The following PACRG variants were observed in gnomAD, a reference collection of about 807,000 sequenced individuals.
PACRG encodes parkin coregulated.
A neutral mutation model predicts 29.7 loss-of-function variants in PACRG; 29 were observed. The ratio of observed to expected loss-of-function variants is 0.98; its 90% CI spans 0.73 to 1.33. The LOEUF (loss-of-function observed/expected upper bound fraction) is 1.33. Ranked by LOEUF, PACRG falls within the 40% of genes most tolerant of loss-of-function variation. The pLI is 0.00. For synonymous variants in PACRG, 116 were observed against 118.7 expected, an observed-to-expected ratio of 0.98 and a Z score of 0.15; for missense variants, 279 against 316.2, an observed-to-expected ratio of 0.88 and a Z score of 0.89.
chr6:163,003,682 G>A lies in PACRG; in HGVS notation c.292-58468G>A, dbSNP rs552756138. On this transcript the variant is annotated intron_variant, in intron 2 of 4. Coordinates refer to ENST00000366888, the MANE Select transcript of PACRG (RefSeq NM_001080379.2). ...CTTATCAACAGCTGGAGGTAGGATGGGCTTATAAGGAAATGAAGTCCAACA... is the reference window on the plus strand; with the variant it reads ...CTTATCAACAGCTGGAGGTAGGATGAGCTTATAAGGAAATGAAGTCCAACA... 5.6e-4 allele frequency among the ~76,000 whole-genome samples: 85 copies of A among 152,144 alleles called. 1 individual carries two copies. The highest frequency in any genetic ancestry group is 1.9e-3 in the African/African-American group (80 of 41,496).
chr6:162,818,150 C>T (rs1252411943), intron 2 of PACRG, among the ~76,000 whole-genome samples: 2 of 152,078 alleles, frequency 1.3e-5, no homozygotes, highest in Non-Finnish European at 2.9e-5. Flanking sequence ...GCTACATTTT[C>T]CTTGACCCCT....
intron 2 of PACRG, among the ~76,000 whole-genome samples, chr6:163,038,961 T>C (rs1163982739): frequency 1.3e-5 from 2 of 152,220 alleles, no homozygotes; most frequent in African/African-American, 4.8e-5. Flanking sequence ...TTTTATGAGT[T>C]TGCATATAAA....
chr6:162,763,027 A>G (rs1451151437), intron 1 of PACRG, among the ~76,000 whole-genome samples: 1 of 152,224 alleles, frequency 6.6e-6, no homozygotes, highest in Non-Finnish European at 1.5e-5. Context: ...GAAATCAATT[A>G]ATGATCCTGG....
intron 2 of PACRG, among the ~76,000 whole-genome samples, chr6:162,827,801 A>G (rs1788413719): frequency 6.6e-6 from 1 of 151,932 alleles, no homozygotes; most frequent in South Asian, 2.1e-4. Context: ...TCCTCTGCTC[A>G]GCCTCTAACT....
At chr6:163,011,939 G>A (rs187877086) in intron 2 of PACRG, among the ~76,000 whole-genome samples, 37 of 152,236 alleles carry the variant, frequency 2.4e-4, no homozygotes, top group African/African-American at 8.9e-4. Context: ...AGGTCTTCAG[G>A]GGCAATGGCA....
At chr6:162,863,014 G>A (rs1039011357) in intron 2 of PACRG, among the ~76,000 whole-genome samples, 3 of 152,212 alleles carry the variant, frequency 2.0e-5, no homozygotes, top group African/African-American at 4.8e-5. Context: ...ATGAGCCCAA[G>A]TCTATGTCAT....
intron 4 of PACRG, among the ~76,000 whole-genome samples, chr6:163,167,610 G>C (rs970953254): frequency 2.0e-5 from 3 of 152,066 alleles, no homozygotes; most frequent in Non-Finnish European, 4.4e-5. Flanking sequence ...GATGTGACTT[G>C]GTAAAAAGTA....
intron 4 of PACRG, among the ~76,000 whole-genome samples, chr6:163,234,601 C>A (rs1000098390): frequency 6.6e-6 from 1 of 152,110 alleles, no homozygotes; most frequent in Non-Finnish European, 1.5e-5. Flanking sequence ...GACTAAAACA[C>A]CTACATTTAA....
chr6:162,842,514 G>A (rs1216853207), intron 2 of PACRG, among the ~76,000 whole-genome samples: 2 of 151,964 alleles, frequency 1.3e-5, no homozygotes, highest in South Asian at 2.1e-4. Context: ...TGGGTTTCCT[G>A]AATACAGCAC....
chr6:163,227,908 C>T (rs1781869068), intron 4 of PACRG, among the ~76,000 whole-genome samples: 2 of 151,938 alleles, frequency 1.3e-5, no homozygotes, highest in Admixed American at 6.6e-5. Context: ...ATGTCCAAGT[C>T]GAAAAAACTA....
intron 2 of PACRG, among the ~76,000 whole-genome samples, chr6:162,937,026 A>C (rs1474258028): frequency 6.6e-6 from 1 of 152,214 alleles, no homozygotes; most frequent in Non-Finnish European, 1.5e-5. Flanking sequence ...AATTTGAAAT[A>C]CACTGAGTTT....
chr6:163,097,987 AT>A lies in PACRG; in HGVS notation c.613+8580del, dbSNP rs200303877. 4.9e-3 allele frequency among the ~76,000 whole-genome samples: 748 copies of A among 152,328 alleles called. 5 individuals are homozygous for A. Among genetic ancestry groups the A allele is most frequent in the African/African-American group, 0.017 (721 of 41,568 alleles). ...AAATGACTTTTCAGTCCATTTCAAA[AT>A]ATGGCAAAGAAAGATATTTGGGGTG... On this transcript the variant is annotated intron_variant, in intron 4 of 4. Coordinates refer to ENST00000366888, the MANE Select transcript of PACRG (RefSeq NM_001080379.2).
At chr6:163,168,549 A>G (rs1389888741) in intron 4 of PACRG, among the ~76,000 whole-genome samples, 2 of 90,642 alleles carry the variant, frequency 2.2e-5, no homozygotes, top group East Asian at 3.1e-4. Context: ...TTTAACTCCT[A>G]TTCTAATAAA....
chr6:162,764,400 A>G (rs573900084), intron 1 of PACRG, among the ~76,000 whole-genome samples: 4 of 142,576 alleles, frequency 2.8e-5, no homozygotes, highest in Admixed American at 2.7e-4. Context: ...TTGTTTTAAT[A>G]TTTTCTTATA....
intron 4 of PACRG, among the ~76,000 whole-genome samples, chr6:163,269,822 A>AAG (rs58539852): frequency 0.16 from 7,211 of 46,218 alleles, 1,608 homozygotes; most frequent in Middle Eastern, 0.33. Context: ...GGAAGGAAGG[A>AAG]GAAAGAAAGA....
At chr6:162,902,636 C>T (rs1795642293) in intron 2 of PACRG, among the ~76,000 whole-genome samples, 1 of 152,110 alleles carries the variant, frequency 6.6e-6, no homozygotes, top group Non-Finnish European at 1.5e-5. Flanking sequence ...ATACAGAATA[C>T]TTAAGTCAAT....
intron 4 of PACRG, among the ~76,000 whole-genome samples, chr6:163,120,831 A>T (rs767713652): frequency 6.6e-6 from 1 of 152,132 alleles, no homozygotes; most frequent in Non-Finnish European, 1.5e-5. Context: ...CAGCCGGGGG[A>T]ATAAGCTAGA....
At chr6:162,928,352 G>A (rs1474562663) in intron 2 of PACRG, among the ~76,000 whole-genome samples, 1 of 151,892 alleles carries the variant, frequency 6.6e-6, no homozygotes, top group Non-Finnish European at 1.5e-5. Flanking sequence ...TGTGGTCTCA[G>A]TTGTTATGTC....
chr6:162,747,867 T>C lies in PACRG; in HGVS notation c.156+19476T>C, dbSNP rs114752193. ...GATTCATCTTAATCCACAAATATCC[T>C]TAAAATTCTTAGTCTCCCATTAGGA... On this transcript the variant is annotated intron_variant, in intron 1 of 4. Transcript: ENST00000366888. 6.1e-3 allele frequency among the ~76,000 whole-genome samples: 924 copies of C among 152,134 alleles called. 7 individuals are homozygous for C. The highest frequency in any genetic ancestry group is 0.021 in the African/African-American group (889 of 41,504).
Sources: allele counts gnomAD v4.1 joint callset (sites outside exome capture counted in the v4.1 genomes callset), GRCh38; gene constraint gnomAD v4.1.1; transcripts MANE v1.5; gene names NCBI Gene and HGNC (gene_info 2026-07-23, HGNC 2026-07-21).